Variants in CENPE observed in about 807,000 individuals in gnomAD.
CENPE encodes the protein centromere-associated protein E.
Under a neutral mutation model 336.1 loss-of-function variants are expected in CENPE, and 145 were observed. The ratio of observed to expected loss-of-function variants is 0.43; its 90% CI spans 0.38 to 0.50. The LOEUF (loss-of-function observed/expected upper bound fraction) is 0.50. CENPE is among the 20% of genes least tolerant of loss of function. CENPE has a pLI of 0.00. For missense variants in CENPE, 2,719 were observed against 3,023.3 expected, an observed-to-expected ratio of 0.90 and a Z score of 2.36; for synonymous variants, 1,013 against 984.8, an observed-to-expected ratio of 1.03 and a Z score of -0.54.
In CENPE at chr4:103,139,871, C is replaced by T; in HGVS notation, c.6122G>A (p.Arg2041Lys). Residue 2041 changes from arginine to lysine, a missense_variant, in exon 38 of 49, where the codon AGA (arginine) becomes AAA (lysine). Arg to Lys is a conservative substitution (Grantham distance 26). This residue lies in a region of CENPE where 2,437 missense variants were observed against 2,513.3 expected (regional missense o/e 0.97). Transcript: ENST00000265148. ...TTCTTTTATCCTCCTTAGCTCATCT[C>T]TTTCTTTAGCTACAATTCTTATTTC... is the stretch of plus-strand genomic sequence containing the variant. ...LEEIRIVAKE[R>K]DELRRIKESL... The T allele has an allele frequency of 6.2e-7, 1 of 1,613,244 alleles. No homozygotes were observed. Among genetic ancestry groups the T allele is most frequent in the Non-Finnish European group, 8.5e-7 (1 of 1,179,528 alleles).
At chr4:103,161,738 C>T (rs1355030211) in intron 18 of CENPE, among the ~76,000 whole-genome samples, 1 of 152,012 alleles carries the variant, frequency 6.6e-6, no homozygotes, top group African/African-American at 2.4e-5. Context: ...TGTTGTTCGG[C>T]AAGGCTGATG....
At chr4:103,172,446 C>T (rs1280140891) in intron 16 of CENPE, among the ~76,000 whole-genome samples, 1 of 151,880 alleles carries the variant, frequency 6.6e-6, no homozygotes, top group Non-Finnish European at 1.5e-5. Context: ...AAGTGATATG[C>T]CTCAACACAA....
chr4:103,180,817 T>C (rs1233232585), intron 12 of CENPE, among the ~76,000 whole-genome samples: 3 of 152,170 alleles, frequency 2.0e-5, no homozygotes, highest in Non-Finnish European at 4.4e-5. Flanking sequence ...AGAGATGTTC[T>C]CATAAGATTA....
Position 103,159,135 on chromosome 4 carries a change from G to A in CENPE, c.2476C>T (p.His826Tyr). 6.2e-7 allele frequency: 1 copy of A among 1,609,352 alleles called. No individual in the cohort carries two copies. The highest frequency in any genetic ancestry group is 1.1e-5 in the South Asian group (1 of 90,154). ...DQEFQNFKTL[H>Y]MDFEQKYKMV... The stretch of plus-strand genomic sequence containing the variant: ...TTATACTTTTGCTCAAAGTCCATAT[G>A]AAGGGTTTTGAAATTTTGGAATTCT... Residue 826 changes from histidine (H) to tyrosine (Y), a missense_variant, in exon 22 of 49, where the codon CAT becomes TAT. His to Tyr is a moderately conservative substitution (Grantham distance 83). Transcript: ENST00000265148.
intron 1 of CENPE, 49 bp from the exon 2 acceptor site, chr4:103,196,899 A>C: frequency 1.2e-6 from 1 of 850,324 alleles, no homozygotes; most frequent in Non-Finnish European, 2.0e-6. Flanking sequence ...AAGTCATGTC[A>C]TAGGAGGAAT....
chr4:103,158,635 A>G lies in CENPE; in HGVS notation c.2853T>C (p.Asp951=), dbSNP rs376737385. The G allele has an allele frequency of 4.4e-6, 7 of 1,604,164 alleles. No individual in the cohort carries two copies. Among genetic ancestry groups the G allele is most frequent in the South Asian group, 3.4e-5 (3 of 88,450 alleles). The stretch of plus-strand genomic sequence containing the variant: ...TTACCATGTTAACAGTATCGTGAAT[A>G]TCACTTTTGAGTTGGTCCCTCTCAA... ...LQIERDQLKS[D]IHDTVNMNID... is the part of the protein sequence containing the mutation. The change falls in exon 23 of 49, where the codon GAT becomes GAC. Residue 951 remains aspartate, a synonymous_variant. Transcript: ENST00000265148.
intron 16 of CENPE, among the ~76,000 whole-genome samples, chr4:103,166,093 A>G (rs1184996384): frequency 1.3e-5 from 2 of 152,118 alleles, no homozygotes; most frequent in Non-Finnish European, 2.9e-5. Flanking sequence ...AATATTAGAG[A>G]AATTATTACC....
intron 42 of CENPE, among the ~76,000 whole-genome samples, chr4:103,130,315 C>T (rs1016402967): frequency 4.6e-5 from 7 of 152,196 alleles, no homozygotes; most frequent in African/African-American, 1.4e-4. Context: ...AAGCAACTAT[C>T]GCAAAGTTGC....
At chr4:103,183,429 T>C in intron 9 of CENPE, 141 bp from the exon 10 acceptor site, 1 of 581,184 alleles carries the variant, frequency 1.7e-6, no homozygotes, top group Non-Finnish European at 3.0e-6. Context: ...CCATCTTTAA[T>C]ATCAGTGGTA....
chr4:103,116,846 AGATATT>A (rs1182225556), intron 44 of CENPE, among the ~76,000 whole-genome samples, 157 bp from the exon 45 acceptor site: 1 of 152,170 alleles, frequency 6.6e-6, no homozygotes, highest in Non-Finnish European at 1.5e-5. Context: ...CTGAATAACT[AGATATT>A]GATATGAAGT....
chr4:103,161,356 A>G lies in CENPE; in HGVS notation c.1944T>C (p.Asn648=). Residue 648 remains asparagine, a synonymous_variant, in exon 19 of 49, where the codon AAT becomes AAC. Coordinates refer to ENST00000265148, the MANE Select transcript of CENPE (RefSeq NM_001813.3). ...TTACCATTTTCTCCTTCAGCTCCAG[A>G]TTTTCACTTCTAAGAAAGGCTGATT... ...KRESAFLRSE[N]LELKEKMKEL... 6.2e-7 allele frequency: 1 copy of G among 1,611,352 alleles called. No individual in the cohort carries two copies. Among genetic ancestry groups the G allele is most frequent in the South Asian group, 1.1e-5 (1 of 90,444 alleles).
chr4:103,170,830 A>G (rs1264189430), intron 16 of CENPE, among the ~76,000 whole-genome samples: 10 of 152,142 alleles, frequency 6.6e-5, no homozygotes, highest in Non-Finnish European at 1.5e-4. Flanking sequence ...GATGGAAAGG[A>G]AGGGGTGGAA....
chr4:103,142,735 C>A (rs963102991), intron 34 of CENPE, among the ~76,000 whole-genome samples: 2 of 152,210 alleles, frequency 1.3e-5, no homozygotes, highest in East Asian at 3.9e-4. Context: ...TGAGGCTGGG[C>A]CTGGCGGCTC....
Position 103,195,910 on chromosome 4 carries a change from A to C in CENPE, c.357+10T>G. On this transcript the variant is annotated intron_variant, in intron 4 of 48. Coordinates refer to ENST00000265148, the MANE Select transcript of CENPE (RefSeq NM_001813.3). ...CCTGTACGTACTAGAAATCCAGTTA[A>C]GTTACTTACCTTCTTAATTTTTTGG... is the stretch of plus-strand genomic sequence containing the variant. 6.5e-7 allele frequency: 1 copy of C among 1,535,772 alleles called. No homozygotes were observed. The highest frequency in any genetic ancestry group is 9.0e-7 in the Non-Finnish European group (1 of 1,108,780).
chr4:103,193,334 T>C (rs574312361), intron 8 of CENPE, among the ~76,000 whole-genome samples: 2 of 152,162 alleles, frequency 1.3e-5, no homozygotes, highest in Admixed American at 6.5e-5. Flanking sequence ...AAATAAGTTA[T>C]ACAATTTTAT....
At chr4:103,161,507 G>A (rs543175246) in intron 18 of CENPE, 50 bp from the exon 19 acceptor site, 2 of 1,502,716 alleles carry the variant, frequency 1.3e-6, no homozygotes, top group Admixed American at 2.3e-5. Flanking sequence ...TCACAGAGTT[G>A]GAAAATTCTT....
At chr4:103,144,950 T>C in intron 32 of CENPE, 100 bp downstream of exon 32, 1 of 1,126,888 alleles carries the variant, frequency 8.9e-7, no homozygotes, top group South Asian at 2.0e-5. Context: ...GGTCCCTTTA[T>C]GATTAGAGGA....
chr4:103,161,002 C>A, intron 20 of CENPE, 84 bp downstream of exon 20: 1 of 1,184,388 alleles, frequency 8.4e-7, no homozygotes, highest in Non-Finnish European at 1.2e-6. Flanking sequence ...AATTTTTAAT[C>A]ATTGAAATAT....
intron 8 of CENPE, 67 bp from the exon 9 acceptor site, chr4:103,185,928 AAG>A (rs988065344): frequency 2.3e-5 from 25 of 1,089,332 alleles, no homozygotes; most frequent in Middle Eastern, 2.3e-4. Flanking sequence ...AAACTACTGA[AAG>A]AACATTTTTA....
Sources: allele counts gnomAD v4.1 joint callset (sites outside exome capture counted in the v4.1 genomes callset), GRCh38; gene constraint gnomAD v4.1.1; regional missense constraint gnomAD v4.1.1; transcripts MANE v1.5; gene names NCBI Gene and HGNC (gene_info 2026-07-23, HGNC 2026-07-21).